Variants in FOXN2 observed in about 807,000 individuals in gnomAD.
The protein encoded by FOXN2 is forkhead box N2.
In FOXN2, 19 loss-of-function variants were observed where a neutral mutation model predicts 41.2. The ratio of observed to expected loss-of-function variants is 0.46; its 90% CI spans 0.32 to 0.68. The LOEUF (loss-of-function observed/expected upper bound fraction) is 0.68, where lower values mean the gene tolerates loss of function less well. FOXN2 is among the 30% of genes least tolerant of loss of function. The pLI, the probability that FOXN2 is intolerant of heterozygous loss-of-function variation, is 0.03. For synonymous variants in FOXN2, 195 were observed against 176.8 expected, an observed-to-expected ratio of 1.10 and a Z score of -0.82; for missense variants, 587 against 509.4, an observed-to-expected ratio of 1.15 and a Z score of -1.47.
At chr2:48,372,923 A>C (rs1471942956) in intron 5 of FOXN2, among the ~76,000 whole-genome samples, 1 of 101,108 alleles carries the variant, frequency 9.9e-6, no homozygotes, top group Admixed American at 9.2e-5. Context: ...GTAAAAATGC[A>C]AAAAAAAAAA....
In FOXN2 at chr2:48,375,011, G is replaced by C; in HGVS notation, c.864G>C (p.Glu288Asp). ...FHHPSAVRLQ[E>D]SDSLATSIDP... Reference sequence around the variant, plus strand: ...ATCCCAGTGCTGTACGATTACAAGAGAGTGATTCTTTAGCCACCAGCATTG... The same window carrying C: ...ATCCCAGTGCTGTACGATTACAAGACAGTGATTCTTTAGCCACCAGCATTG... Residue 288 changes from glutamate (E) to aspartate (D), a missense_variant, in exon 7 of 7, where the codon GAG (glutamate) becomes GAC (aspartate). By Grantham distance (45) the Glu-to-Asp change is conservative. Transcript: ENST00000340553. 6.2e-7 allele frequency: 1 copy of C among 1,614,020 alleles called. No homozygotes were observed. Among genetic ancestry groups the C allele is most frequent in the Non-Finnish European group, 8.5e-7 (1 of 1,179,952 alleles).
At position 48,346,252 on chromosome 2, in the gene FOXN2, C is replaced by G; in HGVS notation, c.38C>G (p.Ala13Gly). 1 of 1,613,396 alleles carries G rather than the reference C, an allele frequency of 6.2e-7. No homozygotes were observed. Among genetic ancestry groups the G allele is most frequent in the Non-Finnish European group, 8.5e-7 (1 of 1,179,794 alleles). Residue 13 changes from alanine to glycine, a missense_variant, in exon 3 of 7, where the codon GCT (alanine) becomes GGT (glycine). Coordinates refer to ENST00000340553, the MANE Select transcript of FOXN2 (RefSeq NM_002158.4). Reference protein sequence around the residue: ...PVIGMTPDKRAETPGAEKIAG... With the variant: ...PVIGMTPDKRGETPGAEKIAG... ...ATTGGAATGACTCCAGATAAGAGAG[C>G]TGAAACCCCAGGAGCTGAAAAGATT... is the stretch of plus-strand genomic sequence containing the variant.
intron 3 of FOXN2, among the ~76,000 whole-genome samples, chr2:48,355,334 G>C (rs1368193272): frequency 1.3e-5 from 2 of 152,114 alleles, no homozygotes; most frequent in Admixed American, 1.3e-4. Context: ...GGTAGAATTT[G>C]ATAACGAAAA....
At chr2:48,346,830 C>T (rs1341631411) in intron 3 of FOXN2, 79 bp downstream of exon 3, 13 of 1,232,952 alleles carry the variant, frequency 1.1e-5, no homozygotes, top group South Asian at 1.7e-5. Flanking sequence ...ATCTGGAAAT[C>T]GGGGAGACAA....
intron 3 of FOXN2, among the ~76,000 whole-genome samples, chr2:48,356,427 C>G (rs528267828): frequency 6.6e-6 from 1 of 151,518 alleles, no homozygotes; most frequent in African/African-American, 2.4e-5. Context: ...ATTGACACAG[C>G]GAGACTGTCT....
At position 48,346,202 on chromosome 2, in the gene FOXN2, A is replaced by G. The variant is rs749452311; in HGVS notation, c.-13A>G. On this transcript the variant is annotated splice_region_variant and 5_prime_UTR_variant, in exon 3 of 7. Transcript: ENST00000340553. ...TGATAATTGTTTCCTTTGTTGCAGA[A>G]CTGTAAGAGTAAATGGGTCCAGTAA... 6.3e-7 allele frequency: 1 copy of G among 1,577,146 alleles called. No individual in the cohort carries two copies. Among genetic ancestry groups the G allele is most frequent in the Non-Finnish European group, 8.6e-7 (1 of 1,164,538 alleles).
At chr2:48,345,882 G>A (rs1671064441) in intron 2 of FOXN2, among the ~76,000 whole-genome samples, 1 of 152,052 alleles carries the variant, frequency 6.6e-6, no homozygotes, top group African/African-American at 2.4e-5. Context: ...AGTAATAATA[G>A]CCACTTCCTA....
chr2:48,361,540 A>G (rs1232082952), intron 4 of FOXN2, among the ~76,000 whole-genome samples: 1 of 152,124 alleles, frequency 6.6e-6, no homozygotes, highest in Admixed American at 6.6e-5. Flanking sequence ...CCTTAATATA[A>G]AATGAAACAT....
intron 1 of FOXN2, among the ~76,000 whole-genome samples, chr2:48,323,439 G>GT (rs1396599934): frequency 5.3e-5 from 8 of 152,024 alleles, no homozygotes; most frequent in African/African-American, 1.9e-4. Context: ...TCTGACTGGT[G>GT]TAAGATGGTA....
At chr2:48,352,182 A>T (rs1671491562) in intron 3 of FOXN2, among the ~76,000 whole-genome samples, 1 of 152,100 alleles carries the variant, frequency 6.6e-6, no homozygotes, top group Admixed American at 6.6e-5. Context: ...TACCTTAAAC[A>T]ATATCTGAAT....
intron 1 of FOXN2, among the ~76,000 whole-genome samples, chr2:48,321,371 A>G (rs1669304633): frequency 1.3e-5 from 2 of 152,082 alleles, no homozygotes; most frequent in Admixed American, 1.3e-4. Context: ...CGTCTCTACT[A>G]AAAATACAAA....
chr2:48,351,578 G>T (rs1449949159), intron 3 of FOXN2, among the ~76,000 whole-genome samples: 1 of 152,142 alleles, frequency 6.6e-6, no homozygotes, highest in Non-Finnish European at 1.5e-5. Flanking sequence ...GGATGAAACT[G>T]TTCCACCTCA....
chr2:48,367,833 T>A (rs1292493275), intron 5 of FOXN2, among the ~76,000 whole-genome samples: 7 of 152,166 alleles, frequency 4.6e-5, no homozygotes, highest in Non-Finnish European at 1.0e-4. Flanking sequence ...ACAAGTTTTT[T>A]AAATTGTTGT....
At chr2:48,370,198 G>A (rs920526209) in intron 5 of FOXN2, among the ~76,000 whole-genome samples, 6 of 152,146 alleles carry the variant, frequency 3.9e-5, no homozygotes, top group Admixed American at 6.5e-5. Context: ...TCACCTGGAG[G>A]AAGATTTGCC....
chr2:48,328,055 A>G (rs1354217153), intron 1 of FOXN2, among the ~76,000 whole-genome samples: 1 of 152,222 alleles, frequency 6.6e-6, no homozygotes, highest in Admixed American at 6.5e-5. Context: ...TCAGTGGAGC[A>G]ATTTATTTGG....
At chr2:48,324,276 C>G (rs1669524396) in intron 1 of FOXN2, among the ~76,000 whole-genome samples, 1 of 149,968 alleles carries the variant, frequency 6.7e-6, no homozygotes, top group Non-Finnish European at 1.5e-5. Flanking sequence ...CTCACTGCAA[C>G]CTCCTCCTCC....
intron 5 of FOXN2, among the ~76,000 whole-genome samples, chr2:48,372,075 G>C (rs1330213130): frequency 2.6e-5 from 4 of 152,190 alleles, no homozygotes; most frequent in Non-Finnish European, 4.4e-5. Context: ...TGTTGACTAA[G>C]AGTGGTGCAA....
chr2:48,376,242 C>A lies in FOXN2; in HGVS notation c.*799C>A, dbSNP rs1673239786. ...GCTGCCTTTGTTGAGTATAAGTTATCCAGTGAGAGGATATAGCCAATTAAG... is the reference window on the plus strand; with the variant it reads ...GCTGCCTTTGTTGAGTATAAGTTATACAGTGAGAGGATATAGCCAATTAAG... On this transcript the variant is annotated 3_prime_UTR_variant, in exon 7 of 7. Transcript: ENST00000340553. 1 of 152,044 alleles carries A rather than the reference C, an allele frequency of 6.6e-6. No individual in the cohort carries two copies. Among genetic ancestry groups the A allele is most frequent in the Admixed American group, 6.6e-5 (1 of 15,244 alleles). 9.4% of individuals were successfully genotyped at this position (152,044 alleles called of 1,614,324 possible). A position where few individuals can be genotyped will look rare whatever the true frequency, so the allele number is the denominator to read the frequency against.
chr2:48,369,379 A>G (rs189929412), intron 5 of FOXN2, among the ~76,000 whole-genome samples: 14 of 152,216 alleles, frequency 9.2e-5, no homozygotes, highest in Non-Finnish European at 1.6e-4. Flanking sequence ...CTCTACTAAA[A>G]ATACAAAAAT....
Sources: allele counts gnomAD v4.1 joint callset (sites outside exome capture counted in the v4.1 genomes callset), GRCh38; gene constraint gnomAD v4.1.1; transcripts MANE v1.5; gene names NCBI Gene and HGNC (gene_info 2026-07-23, HGNC 2026-07-21).